The following GRAP2 variants were observed in gnomAD, a reference collection of about 807,000 sequenced individuals.
GRAP2 encodes the protein GRB2 related adaptor protein 2, also known as GRB2-related adapter protein 2.
GRAP2 carries 31 observed loss-of-function variants against 43.5 expected under a neutral mutation model. The observed-to-expected ratio is 0.71, with a 90% CI of 0.54 to 0.96. The LOEUF (loss-of-function observed/expected upper bound fraction) is 0.96. Ranked by LOEUF, GRAP2 falls within the 40% of genes least tolerant of loss-of-function variation. The pLI is 0.00. For missense variants in GRAP2, 371 were observed against 424.4 expected, an observed-to-expected ratio of 0.87 and a Z score of 1.11; for synonymous variants, 156 against 164.8, an observed-to-expected ratio of 0.95 and a Z score of 0.41.
chr22:39,954,674 C>T (rs866764086), intron 2 of GRAP2, among the ~76,000 whole-genome samples: 2 of 152,078 alleles, frequency 1.3e-5, no homozygotes, highest in African/African-American at 4.8e-5. Context: ...GGATTACAGG[C>T]GCGAGCCACC....
Position 39,971,265 on chromosome 22 carries a change from G to A in GRAP2, c.*181G>A. 1.8e-6 allele frequency: 1 copy of A among 549,598 alleles called. No individual in the cohort carries two copies. The highest frequency in any genetic ancestry group is 2.6e-5 in the South Asian group (1 of 38,070). The allele number at this position is 549,598 out of a possible 1,614,324, so 34.0% of individuals were successfully genotyped here. Reference sequence around the variant, plus strand: ...GCTGGTAATTAGTTGATGCAAAAGGGAACTCAGGTGGAGAATAATATTGAC... The same window carrying A: ...GCTGGTAATTAGTTGATGCAAAAGGAAACTCAGGTGGAGAATAATATTGAC... On this transcript the variant is annotated 3_prime_UTR_variant, in exon 8 of 8. Coordinates refer to ENST00000344138, the MANE Select transcript of GRAP2 (RefSeq NM_004810.4).
chr22:39,922,469 G>A (rs1226739229), intron 1 of GRAP2, among the ~76,000 whole-genome samples: 2 of 152,178 alleles, frequency 1.3e-5, no homozygotes, highest in Admixed American at 1.3e-4. Context: ...GAGGCACAGG[G>A]TCAAGGAAGG....
chr22:39,911,980 C>T (rs1004556789), intron 1 of GRAP2, among the ~76,000 whole-genome samples: 8 of 152,144 alleles, frequency 5.3e-5, no homozygotes, highest in South Asian at 2.1e-4. Flanking sequence ...CCATTTTACC[C>T]GCTGTAGACC....
chr22:39,935,720 C>A (rs2066800067), intron 1 of GRAP2, among the ~76,000 whole-genome samples: 1 of 152,086 alleles, frequency 6.6e-6, no homozygotes, highest in African/African-American at 2.4e-5. Context: ...AAAAAATGAC[C>A]AGCATTCCAA....
chr22:39,922,844 A>G (rs1441885698), intron 1 of GRAP2, among the ~76,000 whole-genome samples: 1 of 152,158 alleles, frequency 6.6e-6, no homozygotes, highest in Non-Finnish European at 1.5e-5. Flanking sequence ...GGAGCTCACA[A>G]CCAGCCTGGG....
At chr22:39,904,347 C>T (rs2066510463) in intron 1 of GRAP2, among the ~76,000 whole-genome samples, 1 of 152,146 alleles carries the variant, frequency 6.6e-6, no homozygotes, top group South Asian at 2.1e-4. Flanking sequence ...GAGATCGTGC[C>T]ACTGCACTCC....
intron 1 of GRAP2, among the ~76,000 whole-genome samples, chr22:39,913,056 G>A (rs2066578342): frequency 6.6e-6 from 1 of 152,068 alleles, no homozygotes; most frequent in African/African-American, 2.4e-5. Flanking sequence ...AGCTAGGCAT[G>A]GTGGCGGGCG....
chr22:39,930,753 G>C (rs1326453062), intron 1 of GRAP2, among the ~76,000 whole-genome samples: 1 of 152,074 alleles, frequency 6.6e-6, no homozygotes, highest in Non-Finnish European at 1.5e-5. Flanking sequence ...TCCATGATCT[G>C]CCCCCAGTCC....
Position 39,939,581 on chromosome 22 carries a change from A to T in GRAP2, c.-14-7512A>T, listed in dbSNP as rs1023143854. Among the ~76,000 whole-genome samples the T allele has an allele frequency of 9.4e-5, 14 of 149,414 alleles. No individual in the cohort carries two copies. In the East Asian group the frequency reaches 2.4e-3, roughly 26 times the overall value. On this transcript the variant is annotated intron_variant, in intron 1 of 7. Transcript: ENST00000344138. ...CGTCTCAAAAAAAAAAAAAAAAAAA[A>T]AGAAATGGTCCTGCATCTCTGACTT...
At chr22:39,940,345 G>T (rs2066854677) in intron 1 of GRAP2, among the ~76,000 whole-genome samples, 1 of 150,678 alleles carries the variant, frequency 6.6e-6, no homozygotes, top group Non-Finnish European at 1.5e-5. Flanking sequence ...CTACTCCTTG[G>T]TCTCTTGGTG....
intron 1 of GRAP2, among the ~76,000 whole-genome samples, chr22:39,945,509 A>G (rs533442005): frequency 2.2e-4 from 33 of 152,166 alleles, no homozygotes; most frequent in Non-Finnish European, 3.8e-4. Context: ...GAGAGGACAA[A>G]TGTGGTCCCA....
chr22:39,937,426 A>G (rs2066817583), intron 1 of GRAP2, among the ~76,000 whole-genome samples: 1 of 152,164 alleles, frequency 6.6e-6, no homozygotes, highest in Admixed American at 6.5e-5. Context: ...ATACTTTCTG[A>G]TAACACTGCA....
At chr22:39,938,733 G>C (rs1601713501) in intron 1 of GRAP2, among the ~76,000 whole-genome samples, 1 of 152,262 alleles carries the variant, frequency 6.6e-6, no homozygotes, top group Non-Finnish European at 1.5e-5. Flanking sequence ...ATCGGAGACA[G>C]CTCTGTTGGC....
intron 1 of GRAP2, among the ~76,000 whole-genome samples, chr22:39,902,345 A>G (rs2066498708): frequency 6.6e-6 from 1 of 152,232 alleles, no homozygotes. Context: ...ATTTAGCAGA[A>G]GTTACTCTCC....
At chr22:39,932,122 T>A (rs1164802948) in intron 1 of GRAP2, among the ~76,000 whole-genome samples, 1 of 152,054 alleles carries the variant, frequency 6.6e-6, no homozygotes, top group East Asian at 1.9e-4. Context: ...TTGCATGAGG[T>A]GAGGGGCAGC....
In GRAP2 at chr22:39,901,124, A is replaced by G. The variant is rs539605801; in HGVS notation, c.-221A>G. 6.5e-5 allele frequency: 27 copies of G among 415,704 alleles called. No homozygotes were observed. Among genetic ancestry groups the G allele is most frequent in the Non-Finnish European group, 1.2e-4 (25 of 208,980 alleles). 25.8% of individuals were successfully genotyped at this position (415,704 alleles called of 1,614,324 possible). ...CTAGGGTTAGTTTGGAGGAGGGAGT[A>G]AGAGGTGGGGAGGAGGAGGCACAGT... On this transcript the variant is annotated 5_prime_UTR_variant, in exon 1 of 8. Coordinates refer to ENST00000344138, the MANE Select transcript of GRAP2 (RefSeq NM_004810.4).
At position 39,947,319 on chromosome 22, in the gene GRAP2, C is replaced by G. The variant is rs2066933525; in HGVS notation, c.78+135C>G. 5.8e-6 allele frequency: 4 copies of G among 688,800 alleles called. No individual in the cohort carries two copies. In the East Asian group the frequency reaches 1.0e-4, roughly 18 times the overall value. The allele number at this position is 688,800 out of a possible 1,614,324, so 42.7% of individuals were successfully genotyped here. ...GAAGTTCACCTTGATTCCCTTTGTG[C>G]ACCCTTATACCAGACACCAACCAGG... On this transcript the variant is annotated intron_variant, in intron 2 of 7. Transcript: ENST00000344138.
At chr22:39,963,616 T>C (rs1274727381) in intron 4 of GRAP2, among the ~76,000 whole-genome samples, 2 of 152,182 alleles carry the variant, frequency 1.3e-5, no homozygotes, top group Non-Finnish European at 2.9e-5. Flanking sequence ...AGGCCACTTG[T>C]ACAACCTGTG....
chr22:39,949,378 A>G (rs1352840273), intron 2 of GRAP2, among the ~76,000 whole-genome samples: 1 of 152,054 alleles, frequency 6.6e-6, no homozygotes, highest in African/African-American at 2.4e-5. Context: ...GTAGGCATTC[A>G]TTTCCCCTCC....
Sources: allele counts gnomAD v4.1 joint callset (sites outside exome capture counted in the v4.1 genomes callset), GRCh38; gene constraint gnomAD v4.1.1; transcripts MANE v1.5; gene names NCBI Gene and HGNC (gene_info 2026-07-23, HGNC 2026-07-21).